Variants in LGR4 observed in about 807,000 individuals in gnomAD.
LGR4 encodes leucine rich repeat containing G protein-coupled receptor 4.
Under a neutral mutation model 84.8 loss-of-function variants are expected in LGR4, and 44 were observed. The observed-to-expected ratio is 0.52, with a 90% CI of 0.41 to 0.67. LGR4 has a LOEUF of 0.67. Ranked by LOEUF, LGR4 falls within the 30% of genes least tolerant of loss-of-function variation. The probability of loss-of-function intolerance (pLI) is 0.00; values close to 1 mark genes in which losing one functional copy is unlikely to be tolerated. For missense variants in LGR4, 1,032 were observed against 1,131.4 expected, an observed-to-expected ratio of 0.91 and a Z score of 1.26; for synonymous variants, 429 against 434.3, an observed-to-expected ratio of 0.99 and a Z score of 0.15.
At chr11:27,427,419 C>A (rs1307997476) in intron 1 of LGR4, among the ~76,000 whole-genome samples, 4 of 152,106 alleles carry the variant, frequency 2.6e-5, no homozygotes. Flanking sequence ...CAGGAAACTG[C>A]AAGTAGACAA....
At chr11:27,459,207 C>T (rs1394392217) in intron 1 of LGR4, among the ~76,000 whole-genome samples, 5 of 152,126 alleles carry the variant, frequency 3.3e-5, no homozygotes, top group Admixed American at 6.5e-5. Flanking sequence ...GTGGCTATAT[C>T]TGAGATAAAA....
intron 13 of LGR4, 122 bp downstream of exon 13, chr11:27,376,177 C>T (rs12281906): frequency 0.014 from 8,845 of 638,686 alleles, 438 homozygotes; most frequent in African/African-American, 0.12. Flanking sequence ...GGTTTCACCA[C>T]GTTGTTCAGG....
chr11:27,437,173 G>C (rs1377307639), intron 1 of LGR4, among the ~76,000 whole-genome samples: 1 of 152,128 alleles, frequency 6.6e-6, no homozygotes, highest in Non-Finnish European at 1.5e-5. Flanking sequence ...GCTGACTCAG[G>C]ACAACCAATG....
intron 1 of LGR4, among the ~76,000 whole-genome samples, chr11:27,447,954 C>T (rs1337496801): frequency 6.6e-6 from 1 of 152,128 alleles, no homozygotes; most frequent in Non-Finnish European, 1.5e-5. Context: ...CTTCAATGAA[C>T]CTTATAATTC....
chr11:27,444,781 C>T (rs186240477), intron 1 of LGR4, among the ~76,000 whole-genome samples: 5 of 152,226 alleles, frequency 3.3e-5, no homozygotes, highest in East Asian at 3.9e-4. Context: ...ATAATCTTTC[C>T]GGGTTTTAGA....
At chr11:27,421,936 G>A (rs1467803489) in intron 1 of LGR4, among the ~76,000 whole-genome samples, 3 of 152,166 alleles carry the variant, frequency 2.0e-5, no homozygotes, top group Non-Finnish European at 4.4e-5. Flanking sequence ...ATTTGATCAA[G>A]AACCCTACCA....
chr11:27,466,985 C>T (rs1356990309), intron 1 of LGR4, among the ~76,000 whole-genome samples: 3 of 151,888 alleles, frequency 2.0e-5, no homozygotes, highest in African/African-American at 7.3e-5. Flanking sequence ...GGGGTTTCAC[C>T]ATGTTAGCCA....
chr11:27,416,191 C>T (rs1012026468), intron 1 of LGR4, among the ~76,000 whole-genome samples: 1 of 152,026 alleles, frequency 6.6e-6, no homozygotes, highest in African/African-American at 2.4e-5. Flanking sequence ...GTCAAAGCAC[C>T]ACCAACTCCC....
In LGR4 at chr11:27,368,807, G is replaced by A. The variant is rs551120554; in HGVS notation, c.1916C>T (p.Ala639Val). ...TGCAGATAAGCTTCTTTCGACAGTT[G>A]CTAGCATTAATAAAAATATGGCACT... The part of the protein sequence containing the change: ...SESAIFLLML[A>V]TVERSLSAKD... Residue 639 changes from alanine to valine, a missense_variant, in exon 18 of 18, where the codon GCA becomes GTA. Physicochemically the swap from Ala to Val is moderately conservative, Grantham distance 64. Coordinates refer to ENST00000379214, the MANE Select transcript of LGR4 (RefSeq NM_018490.5). 5.6e-6 allele frequency: 9 copies of A among 1,614,020 alleles called. No homozygotes were observed. Among genetic ancestry groups the A allele is most frequent in the South Asian group, 5.5e-5 (5 of 91,078 alleles).
intron 1 of LGR4, among the ~76,000 whole-genome samples, chr11:27,467,426 G>C (rs1047185276): frequency 3.3e-5 from 5 of 152,156 alleles, no homozygotes; most frequent in Admixed American, 6.5e-5. Flanking sequence ...AAATTAGCCA[G>C]GCATGGTGGC....
chr11:27,441,173 A>C (rs1397560680), intron 1 of LGR4, among the ~76,000 whole-genome samples: 2 of 152,202 alleles, frequency 1.3e-5, no homozygotes, highest in African/African-American at 4.8e-5. Context: ...ATTGGGGATC[A>C]TGTAGCCAAG....
At chr11:27,391,017 C>A in intron 4 of LGR4, 77 bp downstream of exon 4, 1 of 843,262 alleles carries the variant, frequency 1.2e-6, no homozygotes, top group Non-Finnish European at 1.9e-6. Flanking sequence ...CTCCTCTTTC[C>A]TTACAATTCT....
intron 1 of LGR4, among the ~76,000 whole-genome samples, chr11:27,467,462 G>T (rs1864799034): frequency 6.6e-6 from 1 of 151,806 alleles, no homozygotes; most frequent in Non-Finnish European, 1.5e-5. Flanking sequence ...CAGCCACTCG[G>T]GAGGCTGAGA....
chr11:27,377,262 T>A, intron 11 of LGR4, 39 bp from the exon 12 acceptor site: 3 of 1,058,954 alleles, frequency 2.8e-6, no homozygotes, highest in Non-Finnish European at 4.3e-6. Context: ...TGCTATGTTA[T>A]CAGAGTATTA....
intron 11 of LGR4, among the ~76,000 whole-genome samples, chr11:27,378,125 G>A (rs551514537): frequency 5.9e-5 from 9 of 152,234 alleles, no homozygotes; most frequent in Non-Finnish European, 1.2e-4. Context: ...TTCTTAGAAT[G>A]TATTCCTATT....
chr11:27,455,225 G>A (rs539407736), intron 1 of LGR4, among the ~76,000 whole-genome samples: 1 of 152,190 alleles, frequency 6.6e-6, no homozygotes, highest in African/African-American at 2.4e-5. Context: ...TACAGATGGG[G>A]TGTTTCATTT....
intron 6 of LGR4, among the ~76,000 whole-genome samples, chr11:27,382,692 T>A (rs538262181): frequency 6.6e-6 from 1 of 152,288 alleles, no homozygotes; most frequent in East Asian, 1.9e-4. Flanking sequence ...CTGACCTCAG[T>A]TCCACCATCA....
chr11:27,421,772 T>A (rs778176037), intron 1 of LGR4, among the ~76,000 whole-genome samples: 5 of 152,240 alleles, frequency 3.3e-5, no homozygotes, highest in Non-Finnish European at 7.3e-5. Flanking sequence ...ATTTGTTTGT[T>A]TTTCTTTTGG....
chr11:27,371,977 A>G (rs986996916), intron 16 of LGR4, among the ~76,000 whole-genome samples: 1 of 151,970 alleles, frequency 6.6e-6, no homozygotes, highest in South Asian at 2.1e-4. Context: ...GGATTCTCCC[A>G]CCTCAGTCTC....
Sources: gnomAD v4.1 joint callset for allele counts (sites outside exome capture counted in the v4.1 genomes callset) on GRCh38, gnomAD v4.1.1 for gene constraint, MANE v1.5 for transcripts, NCBI Gene and HGNC (gene_info 2026-07-23, HGNC 2026-07-21) for gene names.